Variants in CC2D2B observed in about 807,000 individuals in gnomAD.
CC2D2B encodes the protein coiled-coil and C2 domain containing 2B.
Under a neutral mutation model 161.2 loss-of-function variants are expected in CC2D2B, and 128 were observed. That is an observed-to-expected ratio of 0.79 (90% CI 0.69 to 0.92). The LOEUF is 0.92. Among genes scored for constraint, CC2D2B ranks in the 40% least tolerant of loss-of-function variants. The probability of loss-of-function intolerance (pLI) is 0.00; values close to 1 mark genes in which losing one functional copy is unlikely to be tolerated. For synonymous variants in CC2D2B, 391 were observed against 449.8 expected (o/e 0.87, Z 1.65); for missense variants, 1,173 against 1,375.1 (o/e 0.85, Z 2.32).
chr10:96,025,193 ATATATATATATAT>A (rs2079699350), intron 33 of CC2D2B, among the ~76,000 whole-genome samples: 11 of 54,774 alleles, frequency 2.0e-4, no homozygotes, highest in African/African-American at 5.2e-4. Context: ...ATAAAAAAAA[ATATATATATATAT>A]ATATATATAT....
At chr10:96,022,537 T>A (rs1055419643) in intron 32 of CC2D2B, 1 of 152,144 alleles carries the variant, frequency 6.6e-6, no homozygotes, top group Non-Finnish European at 1.5e-5. Context: ...GCCTCTAGAG[T>A]CCATACCTTG....
chr10:95,938,850 T>A lies in CC2D2B; in HGVS notation c.726T>A (p.Ile242=). 1.4e-6 allele frequency: 1 copy of A among 715,488 alleles called. No homozygotes were observed. The highest frequency in any genetic ancestry group is 1.5e-5 in the South Asian group (1 of 67,010). The allele number at this position is 715,488 out of a possible 1,614,324, so 44.3% of individuals were successfully genotyped here. Residue 242 remains isoleucine (I), a synonymous_variant, in exon 9 of 35, where the codon ATT becomes ATA. Coordinates refer to ENST00000646931, the MANE Select transcript of CC2D2B (RefSeq NM_001349008.3). ...SGEIMSLPTP[I]KQSWNFRLNV... is the part of the protein sequence containing the mutation. ...AAATAATGTCATTACCTACACCTAT[T>A]AAACAGTCATGGAATTTCAGACTAA...
rs1297092413 is a variant in CC2D2B at position 95,922,004 on chromosome 10, CT to C, written c.37-5del. 1.4e-5 allele frequency: 21 copies of C among 1,501,622 alleles called. No individual in the cohort carries two copies. The highest frequency in any genetic ancestry group is 2.6e-5 in the South Asian group (2 of 77,302). The allele number at this position is 1,501,622 out of a possible 1,614,324, so 93.0% of individuals were successfully genotyped here. A position where few individuals can be genotyped will look rare whatever the true frequency, so the allele number is the denominator to read the frequency against. ...CAAGATGCAAGTTTAACCCTCCCTG[CT>C]TTTTTTGCAGATGTCAGAAGAGATG... On this transcript the variant is annotated splice_polypyrimidine_tract_variant and intron_variant, in intron 2 of 34. Coordinates refer to ENST00000646931, the MANE Select transcript of CC2D2B (RefSeq NM_001349008.3).
chr10:96,002,846 G>A (rs200356584), intron 24 of CC2D2B, among the ~76,000 whole-genome samples: 1 of 151,886 alleles, frequency 6.6e-6, no homozygotes, highest in East Asian at 1.9e-4. Context: ...AATGTCAGTG[G>A]CAGCTGTATA....
chr10:96,001,605 C>G (rs1438521437), intron 24 of CC2D2B, among the ~76,000 whole-genome samples: 1 of 152,154 alleles, frequency 6.6e-6, no homozygotes. Flanking sequence ...GGCTTCAGAT[C>G]CTAAACAGGA....
chr10:96,000,523 C>T (rs2078440770), intron 24 of CC2D2B, among the ~76,000 whole-genome samples: 1 of 151,926 alleles, frequency 6.6e-6, no homozygotes, highest in African/African-American at 2.4e-5. Context: ...GCCACCACGC[C>T]CAGCTAATTT....
chr10:95,957,367 T>C (rs1375675592), intron 11 of CC2D2B, among the ~76,000 whole-genome samples: 2 of 152,026 alleles, frequency 1.3e-5, no homozygotes, highest in Non-Finnish European at 2.9e-5. Flanking sequence ...CTCCCCTTCA[T>C]TGTTTCTTTT....
intron 17 of CC2D2B, among the ~76,000 whole-genome samples, 157 bp downstream of exon 17, chr10:95,974,313 G>A (rs1480366796): frequency 6.6e-6 from 1 of 152,206 alleles, no homozygotes; most frequent in Non-Finnish European, 1.5e-5. Flanking sequence ...TACTAAGGCA[G>A]TATGTGTATT....
intron 2 of CC2D2B, among the ~76,000 whole-genome samples, chr10:95,917,990 G>A (rs928069253): frequency 2.0e-5 from 3 of 151,994 alleles, no homozygotes; most frequent in African/African-American, 7.2e-5. Context: ...TTGGTCAGGC[G>A]GATCTTGAAC....
chr10:96,005,161 C>T (rs140559922), intron 25 of CC2D2B, among the ~76,000 whole-genome samples: 9 of 152,238 alleles, frequency 5.9e-5, no homozygotes, highest in East Asian at 1.9e-4. Flanking sequence ...AAATTGGTAA[C>T]GGGTAAAGCT....
At chr10:96,029,822 T>G (rs895292068) in intron 34 of CC2D2B, among the ~76,000 whole-genome samples, 1 of 151,788 alleles carries the variant, frequency 6.6e-6, no homozygotes, top group African/African-American at 2.4e-5. Flanking sequence ...GTTTTGTTTT[T>G]TTTTTTGCGA....
chr10:95,991,461 G>C lies in CC2D2B; in HGVS notation c.2471G>C (p.Ser824Thr), dbSNP rs1466782961. Residue 824 changes from serine (S) to threonine (T), a missense_variant and splice_region_variant, in exon 21 of 35, where the codon AGC becomes ACC. By Grantham distance (58) the Ser-to-Thr change is moderately conservative. Around this residue, in one of 3 missense-constraint regions of CC2D2B, gnomAD observed 598 missense variants for 693.2 expected, o/e 0.86. Coordinates refer to ENST00000646931, the MANE Select transcript of CC2D2B (RefSeq NM_001349008.3). ...GATTATGAAGAAATTGTATCTACAA[G>C]GTAATTGCTAAAAACTATTAAGTAT... ...VNDYEEIVSTSQLTDAVCKFV... is the reference protein window; with the variant it reads ...VNDYEEIVSTTQLTDAVCKFV... 1.0e-6 allele frequency: 1 copy of C among 961,642 alleles called. No individual in the cohort carries two copies. 59.6% of individuals were successfully genotyped at this position (961,642 alleles called of 1,614,324 possible).
rs1399608616 is a variant in CC2D2B, at chr10:96,031,938, A to G, written c.4244A>G (p.Tyr1415Cys). ...FPQTEFALAV[Y>C]IHPYPNNILS... Reference sequence around the variant, plus strand: ...CAGACAGAATTTGCTTTAGCTGTATACATTCACCCATACCCAAACAACATA... The same window carrying G: ...CAGACAGAATTTGCTTTAGCTGTATGCATTCACCCATACCCAAACAACATA... Residue 1415 changes from tyrosine to cysteine, a missense_variant, in exon 35 of 35, where the codon TAC becomes TGC. By Grantham distance (194) the Tyr-to-Cys change is radical. Coordinates refer to ENST00000646931, the MANE Select transcript of CC2D2B (RefSeq NM_001349008.3). 8 of 1,613,760 alleles carry G rather than the reference A, an allele frequency of 5.0e-6. No individual in the cohort carries two copies. The highest frequency in any genetic ancestry group is 6.8e-6 in the Non-Finnish European group (8 of 1,179,794).
At chr10:95,912,312 TA>T (rs1422014560) in intron 2 of CC2D2B, among the ~76,000 whole-genome samples, 1 of 152,210 alleles carries the variant, frequency 6.6e-6, no homozygotes, top group Non-Finnish European at 1.5e-5. Context: ...TTGAGGTTTA[TA>T]AAAACTGGAA....
chr10:95,915,195 A>G (rs1222043729), intron 2 of CC2D2B, among the ~76,000 whole-genome samples: 1 of 152,004 alleles, frequency 6.6e-6, no homozygotes, highest in East Asian at 1.9e-4. Context: ...TATTTTCTAG[A>G]TTTCTTTTTC....
intron 32 of CC2D2B, among the ~76,000 whole-genome samples, chr10:96,023,096 C>T (rs2079542219): frequency 6.6e-6 from 1 of 152,146 alleles, no homozygotes. Flanking sequence ...CCTTTGTCCT[C>T]AGGGCAGACA....
intron 5 of CC2D2B, 123 bp downstream of exon 5, chr10:95,924,967 G>T: frequency 1.7e-6 from 1 of 596,262 alleles, no homozygotes; most frequent in Non-Finnish European, 2.9e-6. Context: ...TTACAGAATT[G>T]TTCAATCAAT....
intron 25 of CC2D2B, among the ~76,000 whole-genome samples, chr10:96,005,495 G>C (rs891116875): frequency 6.6e-6 from 1 of 152,042 alleles, no homozygotes; most frequent in African/African-American, 2.4e-5. Context: ...GCTGAGCCCC[G>C]AGATAGCCAC....
At chr10:95,968,294 G>C (rs2077012183) in intron 14 of CC2D2B, among the ~76,000 whole-genome samples, 1 of 152,150 alleles carries the variant, frequency 6.6e-6, no homozygotes, top group Non-Finnish European at 1.5e-5. Context: ...TGTGTGGAGG[G>C]TTGTGTGTTT....
Sources: gnomAD v4.1 joint callset for allele counts (sites outside exome capture counted in the v4.1 genomes callset) on GRCh38, gnomAD v4.1.1 for gene constraint, gnomAD v4.1.1 regional missense constraint, MANE v1.5 for transcripts, NCBI Gene and HGNC (gene_info 2026-07-23, HGNC 2026-07-21) for gene names.